FBXO43: variants seen among roughly 807,000 people sequenced by gnomAD.
The protein encoded by FBXO43 is F-box protein 43, also known as F-box only protein 43.
Under a neutral mutation model 56.7 loss-of-function variants are expected in FBXO43, and 22 were observed. The observed-to-expected ratio is 0.39, with a 90% CI of 0.28 to 0.55. The LOEUF (loss-of-function observed/expected upper bound fraction) is 0.55. FBXO43 is among the 20% of genes least tolerant of loss of function. The pLI, the probability that FBXO43 is intolerant of heterozygous loss-of-function variation, is 0.66. For missense variants in FBXO43, 733 were observed against 814.9 expected, an observed-to-expected ratio of 0.90 and a Z score of 1.22; for synonymous variants, 306 against 294.5, an observed-to-expected ratio of 1.04 and a Z score of -0.40.
chr8:100,138,477 G>A (rs183284066), intron 2 of FBXO43, among the ~76,000 whole-genome samples: 41 of 152,290 alleles, frequency 2.7e-4, no homozygotes, highest in African/African-American at 9.1e-4. Context: ...GAAAGGAACA[G>A]GCAGAAGTCA....
In FBXO43 at chr8:100,145,444, G is replaced by C. The variant is rs527753279; in HGVS notation, c.-309C>G. 117 of 240,052 alleles carry C rather than the reference G, an allele frequency of 4.9e-4. No individual in the cohort carries two copies. The highest frequency in any genetic ancestry group is 2.5e-3 in the African/African-American group (112 of 44,590). The allele number at this position is 240,052 out of a possible 1,614,324, so 14.9% of individuals were successfully genotyped here. On this transcript the variant is annotated 5_prime_UTR_variant, in exon 1 of 5. Coordinates refer to ENST00000428847, the MANE Select transcript of FBXO43 (RefSeq NM_001029860.4). ...CCGAGGAGCTATGGCGGGCGGGTGG[G>C]TAACGGTCTCACCAGGGCGTCAAAG... is the stretch of plus-strand genomic sequence containing the variant.
rs760780478 is a variant in FBXO43, at chr8:100,141,274, C to T, written c.980G>A (p.Ser327Asn). 1.7e-5 allele frequency: 28 copies of T among 1,614,132 alleles called. No homozygotes were observed. The highest frequency in any genetic ancestry group is 3.3e-5 in the Admixed American group (2 of 60,024). The stretch of plus-strand genomic sequence containing the variant: ...ACCACTGTCTTCAGGCGTTGAAATA[C>T]TGCCTCTCACTTCAGGTGAAGGAGA... ...ILSPSPEVRG[S>N]ISTPEDSGFN... Residue 327 changes from serine to asparagine, a missense_variant, in exon 2 of 5, where the codon AGT becomes AAT. Transcript: ENST00000428847.
chr8:100,142,101 C>T lies in FBXO43; in HGVS notation c.153G>A (p.Ala51=), dbSNP rs761026472. The T allele has an allele frequency of 7.3e-5, 117 of 1,609,600 alleles. 1 individual carries two copies. The highest frequency in any genetic ancestry group is 4.2e-4 in the South Asian group (38 of 89,730). The change falls in exon 2 of 5, where the codon GCG becomes GCA. Residue 51 remains alanine (A), a synonymous_variant. Coordinates refer to ENST00000428847, the MANE Select transcript of FBXO43 (RefSeq NM_001029860.4). ...GQAGTEAGNG[A]DSPPIVNSKY... is the part of the protein sequence containing the mutation. ...TGGAGTTGACAATTGGAGGAGAGTC[C>T]GCCCCATTTCCTGCTTCAGTGCCAG... is the stretch of plus-strand genomic sequence containing the variant.
Position 100,141,338 on chromosome 8 carries a change from G to A in FBXO43, c.916C>T (p.Leu306Phe). Residue 306 changes from leucine (L) to phenylalanine (F), a missense_variant, in exon 2 of 5, where the codon CTT becomes TTT. Transcript: ENST00000428847. ...EDIFVTPISN[L>F]VANIRFNASQ... is the part of the protein sequence containing the mutation. ...GCGTTAAATCTAATGTTTGCCACAA[G>A]ATTACTTATCGGAGTCACAAATATG... is the stretch of plus-strand genomic sequence containing the variant. 1 of 1,613,698 alleles carries A rather than the reference G, an allele frequency of 6.2e-7. No homozygotes were observed. Among genetic ancestry groups the A allele is most frequent in the Non-Finnish European group, 8.5e-7 (1 of 1,180,032 alleles).
rs776935227 is a variant in FBXO43, at chr8:100,134,367, G to T, written c.1675-3C>A. ...TCCTCGACATTTAATACAGCCCCCTGTGGTAAAGGACAAGAGGCATCAATA... is the reference window on the plus strand; with the variant it reads ...TCCTCGACATTTAATACAGCCCCCTTTGGTAAAGGACAAGAGGCATCAATA... On this transcript the variant is annotated splice_polypyrimidine_tract_variant and splice_region_variant and intron_variant, in intron 3 of 4. Coordinates refer to ENST00000428847, the MANE Select transcript of FBXO43 (RefSeq NM_001029860.4). 1 of 1,612,748 alleles carries T rather than the reference G, an allele frequency of 6.2e-7. No individual in the cohort carries two copies. The highest frequency in any genetic ancestry group is 8.5e-7 in the Non-Finnish European group (1 of 1,179,768).
upstream of FBXO43, among the ~76,000 whole-genome samples, chr8:100,146,673 T>A (rs1814837259): frequency 6.6e-6 from 1 of 152,238 alleles, no homozygotes; most frequent in Non-Finnish European, 1.5e-5. Context: ...TTCCTTGGCC[T>A]ACTCCCTAAA....
upstream of FBXO43, among the ~76,000 whole-genome samples, chr8:100,149,340 T>G (rs16897989): frequency 0.011 from 1,668 of 152,344 alleles, 22 homozygotes; most frequent in African/African-American, 0.037. Flanking sequence ...AGAGTTAATA[T>G]ACAAGAGAGC....
intron 1 of FBXO43, among the ~76,000 whole-genome samples, chr8:100,143,340 C>T (rs1470361373): frequency 1.3e-5 from 2 of 152,134 alleles, no homozygotes; most frequent in Admixed American, 1.3e-4. Context: ...TTTATTTATG[C>T]TTAAACTTAA....
At chr8:100,146,422 C>A (rs1056297107), upstream of FBXO43, among the ~76,000 whole-genome samples, 2 of 151,948 alleles carry the variant, frequency 1.3e-5, no homozygotes, top group African/African-American at 4.8e-5. Flanking sequence ...CATAGTGAGA[C>A]CCCCATCTCA....
chr8:100,147,878 C>T (rs1440716902), upstream of FBXO43, among the ~76,000 whole-genome samples: 1 of 152,204 alleles, frequency 6.6e-6, no homozygotes, highest in African/African-American at 2.4e-5. Context: ...TTCTTCAAGA[C>T]AGCACCTCTC....
At chr8:100,144,023 T>C (rs1000646301) in intron 1 of FBXO43, among the ~76,000 whole-genome samples, 1 of 152,186 alleles carries the variant, frequency 6.6e-6, no homozygotes, top group Non-Finnish European at 1.5e-5. Context: ...CCACCCAACC[T>C]TGGCCTCCCA....
intron 1 of FBXO43, among the ~76,000 whole-genome samples, chr8:100,144,323 G>A (rs1404462778): frequency 1.3e-5 from 2 of 151,274 alleles, no homozygotes; most frequent in Non-Finnish European, 2.9e-5. Context: ...ACCAGCCTGG[G>A]TAACATAGTG....
Position 100,141,283 on chromosome 8 carries a change from A to G in FBXO43, c.971T>C (p.Val324Ala), listed in dbSNP as rs200918609. Reference sequence around the variant, plus strand: ...TTCAGGCGTTGAAATACTGCCTCTCACTTCAGGTGAAGGAGAAAGTATTTG... The same window carrying G: ...TTCAGGCGTTGAAATACTGCCTCTCGCTTCAGGTGAAGGAGAAAGTATTTG... ...ASQILSPSPE[V>A]RGSISTPEDS... Residue 324 changes from valine (V) to alanine (A), a missense_variant, in exon 2 of 5, where the codon GTG becomes GCG. Coordinates refer to ENST00000428847, the MANE Select transcript of FBXO43 (RefSeq NM_001029860.4). The G allele has an allele frequency of 2.9e-4, 466 of 1,614,134 alleles. 4 individuals carry two copies. The highest frequency in any genetic ancestry group is 1.6e-4 in the Middle Eastern group (1 of 6,062).
In FBXO43 at chr8:100,143,430, A is replaced by C. The variant is rs555936559; in HGVS notation, c.86-1262T>G. On this transcript the variant is annotated intron_variant, in intron 1 of 4. Transcript: ENST00000428847. ...CAAAATATTTCTTTATGGTTTGATGATCATTAAAAGATTATTTTTACTAAA... is the reference window on the plus strand; with the variant it reads ...CAAAATATTTCTTTATGGTTTGATGCTCATTAAAAGATTATTTTTACTAAA... Among the ~76,000 whole-genome samples, 3 of 152,354 alleles carry C rather than the reference A, an allele frequency of 2.0e-5. No individual in the cohort carries two copies. The South Asian group carries it at 6.2e-4, about 32-fold the overall frequency.
Position 100,141,904 on chromosome 8 carries a change from T to G in FBXO43, c.350A>C (p.His117Pro). 1.3e-6 allele frequency: 2 copies of G among 1,590,122 alleles called. No homozygotes were observed. Among genetic ancestry groups the G allele is most frequent in the Non-Finnish European group, 1.7e-6 (2 of 1,172,704 alleles). ...HPETSGLGLTHPLESPTQKKK... is the reference protein window; with the variant it reads ...HPETSGLGLTPPLESPTQKKK... ...TTTTTGAGTGGGAGATTCTAAAGGATGTGTTAAGCCCAGGCCTGAAGTTTC... is the reference window on the plus strand; with the variant it reads ...TTTTTGAGTGGGAGATTCTAAAGGAGGTGTTAAGCCCAGGCCTGAAGTTTC... Residue 117 changes from histidine (H) to proline (P), a missense_variant, in exon 2 of 5, where the codon CAT becomes CCT. By Grantham distance (77) the His-to-Pro change is moderately conservative (BLOSUM62 -2). Coordinates refer to ENST00000428847, the MANE Select transcript of FBXO43 (RefSeq NM_001029860.4).
rs1237760693 is a variant in FBXO43, at chr8:100,142,068, G to A, written c.186C>T (p.Ser62=). 9.3e-6 allele frequency: 15 copies of A among 1,613,594 alleles called. No homozygotes were observed. The highest frequency in any genetic ancestry group is 2.7e-5 in the African/African-American group (2 of 74,896). ...ATGTGGAACAAAAATCTCTGAAGGT[G>A]GAGTACTTGGAGTTGACAATTGGAG... ...DSPPIVNSKY[S]TFRDFCSTSS... is the part of the protein sequence containing the mutation. The change falls in exon 2 of 5, where the codon TCC becomes TCT. Residue 62 remains serine (S), a synonymous_variant. Coordinates refer to ENST00000428847, the MANE Select transcript of FBXO43 (RefSeq NM_001029860.4).
intron 3 of FBXO43, among the ~76,000 whole-genome samples, chr8:100,136,106 G>A (rs1384367582): frequency 6.6e-6 from 1 of 152,090 alleles, no homozygotes; most frequent in Non-Finnish European, 1.5e-5. Context: ...ATATAGGGCA[G>A]CATTTGAAAA....
chr8:100,140,509 C>T (rs1175977536), intron 2 of FBXO43, among the ~76,000 whole-genome samples, 174 bp downstream of exon 2: 1 of 149,946 alleles, frequency 6.7e-6, no homozygotes, highest in African/African-American at 2.4e-5. Context: ...AACAAAAAAA[C>T]GGAAGGATCT....
At chr8:100,147,552 T>A (rs1050552425), upstream of FBXO43, among the ~76,000 whole-genome samples, 1 of 152,182 alleles carries the variant, frequency 6.6e-6, no homozygotes, top group African/African-American at 2.4e-5. Context: ...AAGCTAAGTC[T>A]TGGGAAGTTC....
Sources: gnomAD v4.1 joint callset for allele counts (sites outside exome capture counted in the v4.1 genomes callset) on GRCh38, gnomAD v4.1.1 for gene constraint, MANE v1.5 for transcripts, NCBI Gene and HGNC (gene_info 2026-07-23, HGNC 2026-07-21) for gene names.